CLCN1: variants seen among roughly 807,000 people sequenced by gnomAD.
CLCN1 encodes chloride channel protein 1.
CLCN1 carries 100 observed loss-of-function variants against 114.5 expected under a neutral mutation model. That is an observed-to-expected ratio of 0.87 (90% confidence interval 0.74 to 1.03). The LOEUF (loss-of-function observed/expected upper bound fraction) is 1.03. CLCN1 is among the 50% of genes least tolerant of loss of function. CLCN1 has a pLI of 0.00. For synonymous variants in CLCN1, 485 were observed against 487.1 expected, an observed-to-expected ratio of 1.00 and a Z score of 0.06; for missense variants, 1,188 against 1,250.0, an observed-to-expected ratio of 0.95 and a Z score of 0.75.
intron 12 of CLCN1, among the ~76,000 whole-genome samples, chr7:143,334,347 A>G (rs2116857430): frequency 6.6e-6 from 1 of 152,288 alleles, no homozygotes; most frequent in Admixed American, 6.5e-5. Context: ...GTCTGTTCAT[A>G]CTGAACTTTC....
chr7:143,321,678 C>T lies in CLCN1; in HGVS notation c.563-37C>T. ...GGACATTCATCTCCCTTTTCACCTT[C>T]ACCTTGACCCTGCACATAATCTTTC... is the stretch of plus-strand genomic sequence containing the variant. On this transcript the variant is annotated intron_variant, in intron 4 of 22. Transcript: ENST00000343257. This position sits in a 1 kb window ranked among gnomAD's most constrained non-coding sequence, Gnocchi z 4.2. 2 of 1,614,006 alleles carry T rather than the reference C, an allele frequency of 1.2e-6. No homozygotes were observed. The highest frequency in any genetic ancestry group is 2.2e-5 in the South Asian group (2 of 91,068).
chr7:143,349,442 A>G (rs1272059550), intron 20 of CLCN1, among the ~76,000 whole-genome samples: 1 of 151,642 alleles, frequency 6.6e-6, no homozygotes, highest in Non-Finnish European at 1.5e-5. Flanking sequence ...GACAAATAGG[A>G]AAATAGAGTT....
chr7:143,323,425 T>C, intron 6 of CLCN1, 39 bp downstream of exon 6: 1 of 1,412,568 alleles, frequency 7.1e-7, no homozygotes, highest in Non-Finnish European at 1.0e-6. Context: ...GGCCAGGTGG[T>C]AGAAGGAGTC....
chr7:143,332,658 T>C (rs1414997449), intron 11 of CLCN1, 66 bp from the exon 12 acceptor site: 11 of 1,593,122 alleles, frequency 6.9e-6, no homozygotes, highest in African/African-American at 1.3e-5. Flanking sequence ...GGGGAATAAG[T>C]TCTCTAAAAA....
chr7:143,326,111 G>A (rs1459737234), intron 7 of CLCN1, among the ~76,000 whole-genome samples: 1 of 151,970 alleles, frequency 6.6e-6, no homozygotes, highest in African/African-American at 2.4e-5. Flanking sequence ...CTGTCTCCTG[G>A]GTTCAAGCAA....
chr7:143,335,661 G>GTTTTT (rs367713664), intron 12 of CLCN1, among the ~76,000 whole-genome samples: 1 of 135,290 alleles, frequency 7.4e-6, no homozygotes, highest in African/African-American at 2.8e-5. Context: ...CAGCTGTTTT[G>GTTTTT]TTTTTTTTTT....
Position 143,342,484 on chromosome 7 carries a change from T to C in CLCN1, c.1909T>C (p.Leu637=), listed in dbSNP as rs773512348. The C allele has an allele frequency of 5.0e-6, 8 of 1,614,118 alleles. No homozygotes were observed. In the South Asian group the frequency reaches 8.8e-5, roughly 18 times the overall value. The stretch of plus-strand genomic sequence containing the variant: ...GCTCCAGACCACCACAGTCAAGACT[T>C]TACCACTGGTTGACTCAAAAGGTCA... The part of the protein sequence containing the change: ...TLLQTTTVKT[L]PLVDSKDSMI... The change falls in exon 16 of 23, where the codon TTA becomes CTA. Residue 637 remains leucine, a synonymous_variant. Coordinates refer to ENST00000343257, the MANE Select transcript of CLCN1 (RefSeq NM_000083.3).
At chr7:143,331,787 G>T in intron 10 of CLCN1, 135 bp downstream of exon 10, 2 of 714,626 alleles carry the variant, frequency 2.8e-6, no homozygotes, top group Non-Finnish European at 5.1e-6. Context: ...CTCTGATATT[G>T]TGGTTAGGGG....
chr7:143,326,951 A>T (rs2116846322), intron 7 of CLCN1, among the ~76,000 whole-genome samples: 1 of 152,294 alleles, frequency 6.6e-6, no homozygotes, highest in East Asian at 1.9e-4. Context: ...TTTTTAAACT[A>T]AAAAAGTTAT....
intron 1 of CLCN1, among the ~76,000 whole-genome samples, chr7:143,318,828 C>T (rs1348630796): frequency 1.3e-5 from 2 of 152,154 alleles, no homozygotes; most frequent in Admixed American, 6.5e-5. Context: ...GGTCACTGAC[C>T]CAGAAGACAA....
chr7:143,338,305 C>G (rs1236057532), intron 12 of CLCN1, among the ~76,000 whole-genome samples: 1 of 152,100 alleles, frequency 6.6e-6, no homozygotes, highest in East Asian at 1.9e-4. Context: ...CAGTAGCTAG[C>G]CAGGACAGAT....
chr7:143,320,534 A>C, intron 2 of CLCN1, 130 bp from the exon 3 acceptor site: 180 of 758,474 alleles, frequency 2.4e-4, no homozygotes, highest in Middle Eastern at 3.9e-4. Flanking sequence ...AAAGTAAAGT[A>C]GTGACTCGTT....
chr7:143,345,376 C>A, intron 16 of CLCN1, 145 bp from the exon 17 acceptor site: 2 of 1,118,626 alleles, frequency 1.8e-6, no homozygotes, highest in Non-Finnish European at 2.5e-6. Flanking sequence ...TTGGAGGATT[C>A]TTAAAATGAG....
chr7:143,324,499 G>A lies in CLCN1; in HGVS notation c.853+7G>A, dbSNP rs111386182. 1.2e-5 allele frequency: 20 copies of A among 1,610,126 alleles called. No individual in the cohort carries two copies. The African/African-American group carries it at 1.9e-4, about 15-fold the overall frequency. On this transcript the variant is annotated splice_region_variant and intron_variant, in intron 7 of 22. Coordinates refer to ENST00000343257, the MANE Select transcript of CLCN1 (RefSeq NM_000083.3). The surrounding 1 kb of genome is among the most constrained non-coding windows in gnomAD (Gnocchi z 4.6). ...TTTGGGACACCACTTGGAGGCAAGT[G>A]ATTGACCCCCTCCCCCATCAATCGG...
intron 12 of CLCN1, among the ~76,000 whole-genome samples, chr7:143,333,227 G>A (rs753120975): frequency 8.5e-5 from 13 of 152,150 alleles, no homozygotes; most frequent in Non-Finnish European, 1.2e-4. Context: ...CTTGAACCTG[G>A]GAAGTGGAGG....
chr7:143,331,338 G>C, intron 9 of CLCN1, 22 bp downstream of exon 9: 3 of 1,528,424 alleles, frequency 2.0e-6, no homozygotes, highest in Non-Finnish European at 2.7e-6. Flanking sequence ...TACCTGCTCT[G>C]TGTGTGGTGA....
intron 12 of CLCN1, among the ~76,000 whole-genome samples, chr7:143,333,300 C>CAAA (rs56344035): frequency 1.4e-5 from 2 of 139,016 alleles, no homozygotes. Context: ...GATTCTGTCT[C>CAAA]AAAAAAAAAA....
intron 12 of CLCN1, among the ~76,000 whole-genome samples, chr7:143,337,841 T>A (rs1802950494): frequency 1.3e-5 from 1 of 76,542 alleles, no homozygotes; most frequent in Non-Finnish European, 2.4e-5. Context: ...TTTTTTTTTT[T>A]TTTGCGACAG....
intron 16 of CLCN1, among the ~76,000 whole-genome samples, chr7:143,344,896 G>A (rs1161748514): frequency 6.6e-6 from 1 of 151,872 alleles, no homozygotes; most frequent in African/African-American, 2.4e-5. Flanking sequence ...GATTACAGGC[G>A]CCTGCCACCA....
Sources: allele counts gnomAD v4.1 joint callset (sites outside exome capture counted in the v4.1 genomes callset), GRCh38; gene constraint gnomAD v4.1.1; non-coding constraint Gnocchi (gnomAD v3.1); transcripts MANE v1.5; gene names NCBI Gene and HGNC (gene_info 2026-07-23, HGNC 2026-07-21).